Variants in MEF2A observed in about 807,000 individuals in gnomAD.
MEF2A encodes the protein myocyte-specific enhancer factor 2A.
MEF2A carries 28 observed loss-of-function variants against 55.8 expected under a neutral mutation model. The observed-to-expected ratio is 0.50, with a 90% confidence interval of 0.37 to 0.69. The LOEUF is 0.69. Ranked by LOEUF, MEF2A falls within the 30% of genes least tolerant of loss-of-function variation. The probability of loss-of-function intolerance (pLI) is 0.00; values close to 1 mark genes in which losing one functional copy is unlikely to be tolerated. For synonymous variants in MEF2A, 239 were observed against 227.1 expected (o/e 1.05, Z -0.47); for missense variants, 528 against 626.2 (o/e 0.84, Z 1.67).
At chr15:99,582,067 T>TA (rs1966099673) in intron 1 of MEF2A, among the ~76,000 whole-genome samples, 1 of 152,006 alleles carries the variant, frequency 6.6e-6, no homozygotes, top group Admixed American at 6.6e-5. Context: ...ATTTTGTTCT[T>TA]CAGGTAAAAG....
chr15:99,633,965 T>A (rs543159464), intron 3 of MEF2A, among the ~76,000 whole-genome samples: 50 of 152,372 alleles, frequency 3.3e-4, no homozygotes, highest in African/African-American at 1.2e-3. Context: ...GTAAAATGTT[T>A]ACTCTCTGAC....
chr15:99,714,594 A>G lies in MEF2A; in HGVS notation c.*1823A>G, dbSNP rs900886407. ...CAGCTTGGATTTTGAACAAGGCCTTATTCTTTCAGGAAGACAACTAATGGA... is the reference window on the plus strand; with the variant it reads ...CAGCTTGGATTTTGAACAAGGCCTTGTTCTTTCAGGAAGACAACTAATGGA... On this transcript the variant is annotated 3_prime_UTR_variant, in exon 12 of 12. Coordinates refer to ENST00000557942, the MANE Select transcript of MEF2A (RefSeq NM_001319206.4). The G allele has an allele frequency of 6.6e-6, 1 of 152,152 alleles. No homozygotes were observed. The highest frequency in any genetic ancestry group is 1.5e-5 in the Non-Finnish European group (1 of 68,032). 9.4% of individuals were successfully genotyped at this position (152,152 alleles called of 1,614,324 possible). A position where few individuals can be genotyped will look rare whatever the true frequency, so the allele number is the denominator to read the frequency against.
rs758936701 is a variant in MEF2A at position 99,716,483 on chromosome 15, C to A, written c.*3712C>A. 2 of 456,710 alleles carry A rather than the reference C, an allele frequency of 4.4e-6. No individual in the cohort carries two copies. Among genetic ancestry groups the A allele is most frequent in the Non-Finnish European group, 8.8e-6 (2 of 227,008 alleles). The allele number at this position is 456,710 out of a possible 1,614,324, so 28.3% of individuals were successfully genotyped here. ...CTCCAGTAAAGACGGACTGGCTCTT[C>A]CTGTGCGTCGAGACTCTGTCATGTT... On this transcript the variant is annotated 3_prime_UTR_variant, in exon 12 of 12. Transcript: ENST00000557942.
At chr15:99,652,067 G>A (rs1164849516) in intron 4 of MEF2A, among the ~76,000 whole-genome samples, 1 of 152,114 alleles carries the variant, frequency 6.6e-6, no homozygotes, top group East Asian at 1.9e-4. Flanking sequence ...TGATGCTTTG[G>A]TCAAATTTTT....
chr15:99,699,298 G>A (rs996173361), intron 8 of MEF2A, among the ~76,000 whole-genome samples: 10 of 152,176 alleles, frequency 6.6e-5, no homozygotes, highest in Non-Finnish European at 1.5e-4. Flanking sequence ...TGAATCCTAA[G>A]TGAATTTTGC....
At chr15:99,638,766 G>T (rs2044347098) in intron 3 of MEF2A, among the ~76,000 whole-genome samples, 1 of 151,966 alleles carries the variant, frequency 6.6e-6, no homozygotes, top group Non-Finnish European at 1.5e-5. Context: ...TGGATTACCT[G>T]TAAGTCCATA....
At chr15:99,670,953 G>A (rs1308534564) in intron 4 of MEF2A, among the ~76,000 whole-genome samples, 2 of 152,166 alleles carry the variant, frequency 1.3e-5, no homozygotes, top group Non-Finnish European at 2.9e-5. Context: ...ACTTCTCAAA[G>A]CATCATTTTT....
chr15:99,641,274 A>G (rs775408030), intron 3 of MEF2A, among the ~76,000 whole-genome samples: 13 of 152,140 alleles, frequency 8.5e-5, no homozygotes, highest in South Asian at 2.1e-4. Flanking sequence ...TTCAACTCCT[A>G]TCTCCAGCAG....
intron 2 of MEF2A, among the ~76,000 whole-genome samples, chr15:99,631,750 A>G (rs754253651): frequency 6.6e-6 from 1 of 152,212 alleles, no homozygotes; most frequent in Admixed American, 6.5e-5. Flanking sequence ...CAGTTAATAG[A>G]TGATCAACTA....
chr15:99,699,063 A>C (rs938565609), intron 8 of MEF2A, among the ~76,000 whole-genome samples: 1 of 151,700 alleles, frequency 6.6e-6, no homozygotes, highest in Non-Finnish European at 1.5e-5. Flanking sequence ...AAATTAAAAA[A>C]AAAAAAACAA....
intron 4 of MEF2A, among the ~76,000 whole-genome samples, chr15:99,659,628 C>T (rs2048316408): frequency 6.6e-6 from 1 of 152,018 alleles, no homozygotes; most frequent in South Asian, 2.1e-4. Flanking sequence ...GATTCTAGTC[C>T]CAGTTCTGTC....
intron 1 of MEF2A, among the ~76,000 whole-genome samples, chr15:99,596,415 T>A (rs1056324465): frequency 6.6e-6 from 1 of 152,188 alleles, no homozygotes; most frequent in Non-Finnish European, 1.5e-5. Context: ...AAAACTTGTT[T>A]ATGTGTTTTT....
At chr15:99,656,011 T>C (rs1378777436) in intron 4 of MEF2A, among the ~76,000 whole-genome samples, 1 of 152,026 alleles carries the variant, frequency 6.6e-6, no homozygotes, top group Non-Finnish European at 1.5e-5. Context: ...TCAGTAAAGA[T>C]TCAGCACACA....
At chr15:99,578,524 C>T (rs1477190954) in intron 1 of MEF2A, among the ~76,000 whole-genome samples, 1 of 152,178 alleles carries the variant, frequency 6.6e-6, no homozygotes, top group Admixed American at 6.5e-5. Flanking sequence ...CCCACAAAGC[C>T]CTGGCTCCTT....
intron 1 of MEF2A, among the ~76,000 whole-genome samples, chr15:99,571,206 A>G (rs1962133847): frequency 6.6e-6 from 1 of 151,832 alleles, no homozygotes; most frequent in Non-Finnish European, 1.5e-5. Flanking sequence ...AACAACAACA[A>G]CAACAACAGA....
At chr15:99,582,817 CTT>C (rs1966317021) in intron 1 of MEF2A, among the ~76,000 whole-genome samples, 1 of 152,058 alleles carries the variant, frequency 6.6e-6, no homozygotes, top group South Asian at 2.1e-4. Context: ...ACTCCCTTGA[CTT>C]TTATAGCAGA....
chr15:99,662,047 C>A (rs949156442), intron 4 of MEF2A, among the ~76,000 whole-genome samples: 1 of 152,096 alleles, frequency 6.6e-6, no homozygotes, highest in Non-Finnish European at 1.5e-5. Context: ...ACATATCATT[C>A]ACAAATAGGC....
intron 2 of MEF2A, among the ~76,000 whole-genome samples, chr15:99,612,635 G>T (rs1016230799): frequency 2.0e-5 from 3 of 152,120 alleles, no homozygotes; most frequent in Non-Finnish European, 4.4e-5. Context: ...AGGGTTCCTT[G>T]AGCCTAGGAG....
chr15:99,656,805 A>G (rs760021900), intron 4 of MEF2A, among the ~76,000 whole-genome samples: 2 of 152,118 alleles, frequency 1.3e-5, no homozygotes, highest in East Asian at 3.8e-4. Flanking sequence ...TTTAAATGAG[A>G]TATAATTCGT....
Sources: allele counts gnomAD v4.1 joint callset (sites outside exome capture counted in the v4.1 genomes callset), GRCh38; gene constraint gnomAD v4.1.1; transcripts MANE v1.5; gene names NCBI Gene and HGNC (gene_info 2026-07-23, HGNC 2026-07-21).